Variants in PKNOX1 observed in about 807,000 individuals in gnomAD.
PKNOX1 encodes homeobox protein PKNOX1.
A neutral mutation model predicts 51.9 loss-of-function variants in PKNOX1; 15 were observed. The ratio of observed to expected loss-of-function variants is 0.29; its 90% CI spans 0.19 to 0.45. The LOEUF is 0.45. Among genes scored for constraint, PKNOX1 ranks in the 20% least tolerant of loss-of-function variants. The pLI is 1.00. For synonymous variants in PKNOX1, 219 were observed against 211.1 expected, an observed-to-expected ratio of 1.04 and a Z score of -0.32; for missense variants, 462 against 547.5, an observed-to-expected ratio of 0.84 and a Z score of 1.56.
At chr21:42,975,014 C>G (rs927714068) in intron 1 of PKNOX1, among the ~76,000 whole-genome samples, 36 of 143,544 alleles carry the variant, frequency 2.5e-4, no homozygotes, top group Admixed American at 7.5e-4. Context: ...CGCTCCTAAC[C>G]GTCCCTTTCG....
At chr21:43,029,718 A>G (rs2146299796) in intron 10 of PKNOX1, among the ~76,000 whole-genome samples, 172 bp from the exon 11 acceptor site, 1 of 152,062 alleles carries the variant, frequency 6.6e-6, no homozygotes, top group Admixed American at 6.5e-5. Flanking sequence ...GGCATGAGCT[A>G]CCGCGCCCGG....
In PKNOX1 at chr21:43,004,437, G is replaced by A. The variant is rs951294255; in HGVS notation, c.51+5G>A. ...AGCTATCAAGATGGGCAACAGGTGA[G>A]CTTGAACTTGATTCTGCATTCTAAT... On this transcript the variant is annotated splice_donor_5th_base_variant and intron_variant, in intron 2 of 10. Transcript: ENST00000291547. 6.3e-7 allele frequency: 1 copy of A among 1,589,254 alleles called. No individual in the cohort carries two copies. Among genetic ancestry groups the A allele is most frequent in the African/African-American group, 1.3e-5 (1 of 74,536 alleles).
intron 7 of PKNOX1, among the ~76,000 whole-genome samples, chr21:43,020,141 C>T (rs1601299282): frequency 6.6e-6 from 1 of 152,030 alleles, no homozygotes; most frequent in African/African-American, 2.4e-5. Context: ...CTATGTTGCC[C>T]ATGCTGGTCT....
chr21:42,975,244 A>ACCCCGG (rs927600814), intron 1 of PKNOX1, among the ~76,000 whole-genome samples: 13 of 122,352 alleles, frequency 1.1e-4, no homozygotes, highest in African/African-American at 3.2e-4. Context: ...GGCGGCCGCG[A>ACCCCGG]CCCCGGCCCC....
At chr21:43,025,306 C>G (rs2146293407) in intron 9 of PKNOX1, among the ~76,000 whole-genome samples, 1 of 152,330 alleles carries the variant, frequency 6.6e-6, no homozygotes, top group South Asian at 2.1e-4. Flanking sequence ...CTCTTTAGAG[C>G]TGTTTCTCTA....
intron 1 of PKNOX1, among the ~76,000 whole-genome samples, chr21:42,989,658 A>G (rs896800042): frequency 6.6e-6 from 1 of 152,220 alleles, no homozygotes; most frequent in Middle Eastern, 3.4e-3. Flanking sequence ...ACCTCAAGTA[A>G]TCTGCCTGCC....
chr21:43,032,069 G>A lies in PKNOX1; in HGVS notation c.*1968G>A, dbSNP rs1325953071. 3.8e-5 allele frequency: 16 copies of A among 422,520 alleles called. No homozygotes were observed. Among genetic ancestry groups the A allele is most frequent in the Middle Eastern group, 3.4e-4 (1 of 2,908 alleles). 26.2% of individuals were successfully genotyped at this position (422,520 alleles called of 1,614,324 possible). A position where few individuals can be genotyped will look rare whatever the true frequency, so the allele number is the denominator to read the frequency against. ...AGAGATGGGTTTCTCCATGTTGGTC[G>A]GGCTGGTCTCGAACTCCCGACCTCA... On this transcript the variant is annotated 3_prime_UTR_variant, in exon 11 of 11. Coordinates refer to ENST00000291547, the MANE Select transcript of PKNOX1 (RefSeq NM_004571.5).
chr21:42,991,075 G>C (rs1235582161), intron 1 of PKNOX1, among the ~76,000 whole-genome samples: 1 of 152,124 alleles, frequency 6.6e-6, no homozygotes, highest in African/African-American at 2.4e-5. Context: ...CAAATATTCA[G>C]TGTGCCCAGG....
intron 1 of PKNOX1, among the ~76,000 whole-genome samples, chr21:42,982,343 C>T (rs904083359): frequency 6.6e-5 from 10 of 152,106 alleles, no homozygotes; most frequent in Non-Finnish European, 8.8e-5. Context: ...CCTGAGTGAG[C>T]GCATGTGTTT....
intron 9 of PKNOX1, among the ~76,000 whole-genome samples, chr21:43,027,415 G>A (rs1284935864): frequency 6.6e-6 from 1 of 152,110 alleles, no homozygotes; most frequent in African/African-American, 2.4e-5. Context: ...GCAGCAGAAC[G>A]CATGTCTGGT....
At chr21:43,028,999 C>A in intron 10 of PKNOX1, 125 bp downstream of exon 10, 1 of 907,410 alleles carries the variant, frequency 1.1e-6, no homozygotes, top group African/African-American at 1.6e-5. Context: ...GCGTGGTTCT[C>A]TTTCTCTGCA....
At chr21:43,026,867 C>A (rs1368160420) in intron 9 of PKNOX1, among the ~76,000 whole-genome samples, 1 of 152,136 alleles carries the variant, frequency 6.6e-6, no homozygotes, top group Non-Finnish European at 1.5e-5. Context: ...TCACCAGGTT[C>A]CTCTAAATGA....
At chr21:43,010,978 C>G (rs1036898787) in intron 4 of PKNOX1, among the ~76,000 whole-genome samples, 1 of 151,820 alleles carries the variant, frequency 6.6e-6, no homozygotes, top group Non-Finnish European at 1.5e-5. Flanking sequence ...CTGGGGTGTT[C>G]GGGTGGCATG....
At chr21:42,978,825 A>G (rs13047611) in intron 1 of PKNOX1, among the ~76,000 whole-genome samples, 5,775 of 151,644 alleles carry the variant, frequency 0.038, 140 homozygotes, top group Middle Eastern at 0.061. Flanking sequence ...TCCCTATGTT[A>G]TCCAGGCAGG....
intron 1 of PKNOX1, among the ~76,000 whole-genome samples, chr21:42,979,178 G>A (rs34351266): frequency 0.035 from 5,351 of 152,236 alleles, 134 homozygotes; most frequent in Middle Eastern, 0.061. Flanking sequence ...TCGTCCTTCC[G>A]AAGTGTTGGG....
At chr21:43,008,474 A>C (rs1979098350) in intron 3 of PKNOX1, among the ~76,000 whole-genome samples, 1 of 152,360 alleles carries the variant, frequency 6.6e-6, no homozygotes, top group South Asian at 2.1e-4. Context: ...GGAATGTCAG[A>C]CTTGTTTAGT....
rs575151801 is a variant in PKNOX1, at chr21:43,011,203, G to C, written c.351+979G>C. Among the ~76,000 whole-genome samples, 3 of 151,990 alleles carry C rather than the reference G, an allele frequency of 2.0e-5. No homozygotes were observed. The South Asian group carries it at 6.2e-4, about 32-fold the overall frequency. ...CTGCCTCAGCCTCCCGAGTAGCTGG[G>C]ACTACAGGCACCCGCCACCACGCCC... On this transcript the variant is annotated intron_variant, in intron 4 of 10. Coordinates refer to ENST00000291547, the MANE Select transcript of PKNOX1 (RefSeq NM_004571.5).
At chr21:43,008,141 C>T (rs1979084955) in intron 3 of PKNOX1, among the ~76,000 whole-genome samples, 1 of 151,564 alleles carries the variant, frequency 6.6e-6, no homozygotes, top group Non-Finnish European at 1.5e-5. Context: ...GAATATCAAT[C>T]TATAAATTTT....
chr21:42,978,005 T>A (rs2059006358), intron 1 of PKNOX1, among the ~76,000 whole-genome samples: 1 of 152,134 alleles, frequency 6.6e-6, no homozygotes, highest in Admixed American at 6.6e-5. Context: ...TAAGGCTGTT[T>A]CACTTTCTTT....
Sources: gnomAD v4.1 joint callset for allele counts (sites outside exome capture counted in the v4.1 genomes callset) on GRCh38, gnomAD v4.1.1 for gene constraint, MANE v1.5 for transcripts, NCBI Gene and HGNC (gene_info 2026-07-23, HGNC 2026-07-21) for gene names.